Variants in AGBL4 observed in about 807,000 individuals in gnomAD.
AGBL4 encodes the protein cytosolic carboxypeptidase 6.
In AGBL4, 58 loss-of-function variants were observed where a neutral mutation model predicts 66.4. The ratio of observed to expected loss-of-function variants is 0.87; its 90% CI spans 0.71 to 1.09. The LOEUF is 1.09. Ranked by LOEUF, AGBL4 falls within the 50% of genes least tolerant of loss-of-function variation. AGBL4 has a pLI of 0.00. For missense variants in AGBL4, 579 were observed against 631.0 expected (o/e 0.92, Z 0.88); for synonymous variants, 234 against 222.9 (o/e 1.05, Z -0.44).
chr1:48,983,768 A>G (rs1003952684), intron 5 of AGBL4, among the ~76,000 whole-genome samples: 4 of 152,192 alleles, frequency 2.6e-5, no homozygotes, highest in African/African-American at 4.8e-5. Flanking sequence ...CAATTATAAG[A>G]GAAGAAATAA....
chr1:49,086,607 C>T (rs1026192701), intron 4 of AGBL4, among the ~76,000 whole-genome samples: 5 of 152,018 alleles, frequency 3.3e-5, no homozygotes, highest in Non-Finnish European at 7.4e-5. Flanking sequence ...AGTCCTACTT[C>T]TGCTTGAATT....
Position 48,586,987 on chromosome 1 carries a change from G to T in AGBL4, c.1267+17C>A. The T allele has an allele frequency of 3.1e-6, 5 of 1,609,964 alleles. 1 individual carries two copies. Among genetic ancestry groups the T allele is most frequent in the Non-Finnish European group, 1.7e-6 (2 of 1,178,372 alleles). ...TGGATGAGGGCTGGCCCAAGGCTGG[G>T]TGGGGACTAAGGATACAGGCTTCTT... On this transcript the variant is annotated intron_variant, in intron 11 of 13. Coordinates refer to ENST00000371839, the MANE Select transcript of AGBL4 (RefSeq NM_032785.4).
intron 3 of AGBL4, among the ~76,000 whole-genome samples, chr1:49,251,048 G>C (rs923185024): frequency 2.0e-5 from 3 of 152,086 alleles, no homozygotes; most frequent in African/African-American, 7.2e-5. Flanking sequence ...ATATCAGATG[G>C]GGCTGGTCCA....
intron 4 of AGBL4, among the ~76,000 whole-genome samples, chr1:49,199,157 T>C (rs1647483565): frequency 1.3e-5 from 2 of 152,166 alleles, no homozygotes; most frequent in Non-Finnish European, 2.9e-5. Flanking sequence ...AAAAGTACCA[T>C]TATTATGCCC....
chr1:48,765,538 T>C (rs765649333), intron 6 of AGBL4, among the ~76,000 whole-genome samples: 14 of 152,218 alleles, frequency 9.2e-5, no homozygotes, highest in Non-Finnish European at 1.5e-4. Flanking sequence ...ACAGAATTAC[T>C]ATAACCCAGC....
At chr1:49,653,568 C>G (rs940857183) in intron 3 of AGBL4, among the ~76,000 whole-genome samples, 15 of 151,930 alleles carry the variant, frequency 9.9e-5, no homozygotes, top group South Asian at 4.2e-4. Flanking sequence ...AATGAAGAAG[C>G]ATGACAAAAC....
rs868076365 is a variant in AGBL4 at position 49,322,752 on chromosome 1, C to T, written c.283-76888G>A. Among the ~76,000 whole-genome samples the T allele has an allele frequency of 5.3e-5, 8 of 152,194 alleles. No homozygotes were observed. The South Asian group carries it at 1.4e-3, about 28-fold the overall frequency. On this transcript the variant is annotated intron_variant, in intron 3 of 13. Coordinates refer to ENST00000371839, the MANE Select transcript of AGBL4 (RefSeq NM_032785.4). ...AAGTGTGGCCTTGTGAACACCTTGA[C>T]TTCAGACTTCTGGCCTCCAGAACTA...
At chr1:49,257,822 A>G (rs1427194473) in intron 3 of AGBL4, among the ~76,000 whole-genome samples, 1 of 152,096 alleles carries the variant, frequency 6.6e-6, no homozygotes, top group Non-Finnish European at 1.5e-5. Context: ...CTCCTCCAGC[A>G]CGGAGCTGGA....
At chr1:49,203,492 T>C (rs974400080) in intron 4 of AGBL4, among the ~76,000 whole-genome samples, 3 of 152,144 alleles carry the variant, frequency 2.0e-5, no homozygotes, top group African/African-American at 4.8e-5. Flanking sequence ...TTTGAGGACA[T>C]GGTAAGTGAA....
At chr1:49,646,141 T>C (rs906175458) in intron 3 of AGBL4, among the ~76,000 whole-genome samples, 1 of 151,882 alleles carries the variant, frequency 6.6e-6, no homozygotes, top group African/African-American at 2.4e-5. Context: ...TGTTATTACT[T>C]CTATTCAACA....
intron 6 of AGBL4, among the ~76,000 whole-genome samples, chr1:48,815,274 A>G (rs1438403138): frequency 6.6e-6 from 1 of 152,112 alleles, no homozygotes; most frequent in East Asian, 1.9e-4. Context: ...ATAATGGTGA[A>G]TTTTTCAAAC....
intron 5 of AGBL4, among the ~76,000 whole-genome samples, chr1:49,011,104 TG>T (rs1354006156): frequency 2.0e-4 from 30 of 150,642 alleles, no homozygotes; most frequent in Admixed American, 1.7e-3. Flanking sequence ...ACCTACAAAA[TG>T]GGAGAAAATT....
chr1:49,979,417 C>G (rs374508126), intron 1 of AGBL4, among the ~76,000 whole-genome samples: 5 of 151,066 alleles, frequency 3.3e-5, no homozygotes, highest in Admixed American at 3.3e-4. Context: ...GCCGAGATTG[C>G]GCCACTGCAG....
At chr1:49,439,162 T>C (rs1175928846) in intron 3 of AGBL4, among the ~76,000 whole-genome samples, 1 of 152,154 alleles carries the variant, frequency 6.6e-6, no homozygotes, top group Admixed American at 6.5e-5. Flanking sequence ...CTATGCTTGA[T>C]AGATCAGTGG....
intron 2 of AGBL4, among the ~76,000 whole-genome samples, chr1:49,847,709 T>G (rs994260548): frequency 2.6e-5 from 4 of 151,916 alleles, no homozygotes; most frequent in Non-Finnish European, 5.9e-5. Flanking sequence ...AAACTTGTTT[T>G]TTTTTTTTTT....
At chr1:49,270,350 T>G (rs1001748617) in intron 3 of AGBL4, among the ~76,000 whole-genome samples, 1 of 152,190 alleles carries the variant, frequency 6.6e-6, no homozygotes, top group Non-Finnish European at 1.5e-5. Context: ...CGGGGGGACA[T>G]GATTTTCAGG....
chr1:48,646,731 T>A (rs935689114), intron 8 of AGBL4, among the ~76,000 whole-genome samples: 1 of 152,080 alleles, frequency 6.6e-6, no homozygotes, highest in African/African-American at 2.4e-5. Context: ...CAGGAGACAG[T>A]GTATCAAGAG....
intron 4 of AGBL4, among the ~76,000 whole-genome samples, chr1:49,146,862 A>G (rs1451708506): frequency 1.3e-5 from 2 of 152,256 alleles, no homozygotes; most frequent in Admixed American, 1.3e-4. Flanking sequence ...ACATCTGATT[A>G]TGAAGGCACA....
At chr1:49,782,611 C>T (rs944396575) in intron 2 of AGBL4, among the ~76,000 whole-genome samples, 23 of 152,158 alleles carry the variant, frequency 1.5e-4, no homozygotes, top group African/African-American at 5.1e-4. Context: ...CCAAAAAGCA[C>T]GTGTTGGAAA....
Sources: gnomAD v4.1 joint callset for allele counts (sites outside exome capture counted in the v4.1 genomes callset) on GRCh38, gnomAD v4.1.1 for gene constraint, MANE v1.5 for transcripts, NCBI Gene and HGNC (gene_info 2026-07-23, HGNC 2026-07-21) for gene names.